Variants in SLC8A1 observed in about 807,000 individuals in gnomAD.
The protein encoded by SLC8A1 is solute carrier family 8 member A1.
In SLC8A1, 18 loss-of-function variants were observed where a neutral mutation model predicts 68.3. The observed-to-expected ratio is 0.26, with a 90% CI of 0.18 to 0.39. SLC8A1 has a LOEUF of 0.39. Ranked by LOEUF, SLC8A1 falls within the 10% of genes least tolerant of loss-of-function variation. SLC8A1 has a pLI of 1.00. For synonymous variants in SLC8A1, 475 were observed against 415.5 expected (o/e 1.14, Z -1.74); for missense variants, 985 against 1,156.7 (o/e 0.85, Z 2.15).
intron 1 of SLC8A1, among the ~76,000 whole-genome samples, chr2:40,504,253 A>G (rs967535702): frequency 3.9e-5 from 6 of 152,052 alleles, no homozygotes; most frequent in Admixed American, 6.6e-5. Context: ...CTGAATATCC[A>G]TATGTAGAAG....
intron 2 of SLC8A1, among the ~76,000 whole-genome samples, chr2:40,305,287 G>A (rs1288979848): frequency 6.6e-6 from 1 of 152,178 alleles, no homozygotes; most frequent in Non-Finnish European, 1.5e-5. Context: ...AGCAGTTTTC[G>A]AGTTCAGCAC....
At position 40,393,582 on chromosome 2, in the gene SLC8A1, A is replaced by G. The variant is rs544765377; in HGVS notation, c.1808+34891T>C. On this transcript the variant is annotated intron_variant, in intron 2 of 7. Coordinates refer to ENST00000406785, the Ensembl canonical transcript of SLC8A1. ...AGTCATAATTTTGAATGTACTCTCTAATTTACCAACATTGTTTCCAATTCC... is the reference window on the plus strand; with the variant it reads ...AGTCATAATTTTGAATGTACTCTCTGATTTACCAACATTGTTTCCAATTCC... Among the ~76,000 whole-genome samples the G allele has an allele frequency of 2.6e-5, 4 of 152,154 alleles. No individual in the cohort carries two copies. The East Asian group carries it at 7.8e-4, about 29-fold the overall frequency.
intron 2 of SLC8A1, among the ~76,000 whole-genome samples, chr2:40,289,405 A>C (rs781660049): frequency 6.6e-6 from 1 of 152,174 alleles, no homozygotes; most frequent in Non-Finnish European, 1.5e-5. Flanking sequence ...GAGAGAAACG[A>C]AAAGAAACCT....
intron 2 of SLC8A1, among the ~76,000 whole-genome samples, chr2:40,405,807 A>C (rs1479351488): frequency 2.0e-5 from 3 of 152,186 alleles, no homozygotes; most frequent in Non-Finnish European, 4.4e-5. Flanking sequence ...AATCCATGCA[A>C]CACTCCAGCT....
intron 2 of SLC8A1, among the ~76,000 whole-genome samples, chr2:40,329,759 G>A (rs746443541): frequency 2.6e-5 from 4 of 152,152 alleles, no homozygotes; most frequent in African/African-American, 7.2e-5. Flanking sequence ...TTTAAGCAGG[G>A]AAGACTCCCA....
chr2:40,343,236 T>C (rs930767255), intron 2 of SLC8A1, among the ~76,000 whole-genome samples: 1 of 152,178 alleles, frequency 6.6e-6, no homozygotes, highest in Non-Finnish European at 1.5e-5. Flanking sequence ...TGTTTAATTA[T>C]GCATTTTCTC....
chr2:40,359,439 T>C (rs1673843402), intron 2 of SLC8A1, among the ~76,000 whole-genome samples: 1 of 152,136 alleles, frequency 6.6e-6, no homozygotes, highest in South Asian at 2.1e-4. Context: ...AAAAGGGTTT[T>C]TGTCCTGAGC....
intron 2 of SLC8A1, among the ~76,000 whole-genome samples, chr2:40,326,139 A>T (rs1440075984): frequency 2.6e-5 from 4 of 152,292 alleles, no homozygotes; most frequent in African/African-American, 9.6e-5. Context: ...CCTAGGTAGC[A>T]AAACTATAGG....
At chr2:40,428,928 T>C in exon 2 of SLC8A1, 1 of 1,613,894 alleles carries the variant, frequency 6.2e-7, no homozygotes, top group African/African-American at 1.3e-5. Context: ...ACCCAGCATT[T>C]GCTGTGCCAT....
At chr2:40,289,790 G>T (rs544424459) in intron 2 of SLC8A1, among the ~76,000 whole-genome samples, 1 of 152,112 alleles carries the variant, frequency 6.6e-6, no homozygotes, top group African/African-American at 2.4e-5. Flanking sequence ...GAACTTAGGA[G>T]GTGGAGGTTG....
At chr2:40,187,949 T>A (rs563610516) in intron 2 of SLC8A1, among the ~76,000 whole-genome samples, 8 of 152,304 alleles carry the variant, frequency 5.3e-5, no homozygotes, top group African/African-American at 1.7e-4. Flanking sequence ...TCTTCTGCAG[T>A]TGATAAACTT....
At chr2:40,503,768 A>T (rs1295431882) in intron 1 of SLC8A1, among the ~76,000 whole-genome samples, 1 of 152,038 alleles carries the variant, frequency 6.6e-6, no homozygotes, top group Non-Finnish European at 1.5e-5. Context: ...AGATTACTAC[A>T]ATGAAAACGA....
chr2:40,411,382 C>A (rs956402754), intron 2 of SLC8A1, among the ~76,000 whole-genome samples: 2 of 151,914 alleles, frequency 1.3e-5, no homozygotes, highest in Admixed American at 1.3e-4. Flanking sequence ...ATTACACATG[C>A]CCATTAGGAA....
At chr2:40,253,211 ATACATATT>A (rs1454738243) in intron 2 of SLC8A1, among the ~76,000 whole-genome samples, 2 of 149,374 alleles carry the variant, frequency 1.3e-5, no homozygotes, top group African/African-American at 2.5e-5. Context: ...ATACACATCT[ATACATATT>A]TACATATACA....
chr2:40,185,143 C>G (rs1288246238), intron 2 of SLC8A1, among the ~76,000 whole-genome samples: 4 of 152,112 alleles, frequency 2.6e-5, no homozygotes, highest in African/African-American at 9.7e-5. Flanking sequence ...AATTGGAACC[C>G]TCATATGCTG....
chr2:40,450,369 T>TGC (rs34306750), intron 1 of SLC8A1, among the ~76,000 whole-genome samples: 3 of 151,358 alleles, frequency 2.0e-5, no homozygotes, highest in African/African-American at 4.9e-5. Context: ...TGTGTGTGTG[T>TGC]GCACGCGCGC....
At chr2:40,460,907 G>C (rs1703303482) in intron 1 of SLC8A1, among the ~76,000 whole-genome samples, 1 of 152,106 alleles carries the variant, frequency 6.6e-6, no homozygotes. Flanking sequence ...GCTATGGCCG[G>C]ATATGTACTT....
chr2:40,153,913 TC>T (rs2043924649), intron 6 of SLC8A1, among the ~76,000 whole-genome samples: 1 of 152,182 alleles, frequency 6.6e-6, no homozygotes, highest in Non-Finnish European at 1.5e-5. Flanking sequence ...ACCCTTACCT[TC>T]CCCATGTGTA....
rs1314690867 is a variant in SLC8A1, at chr2:40,393,845, C to A, written c.1808+34628G>T. ...TCATAACCTAAATCACCCAATCAAC[C>A]AAAATATTATAAAGTTCAGCTTTTA... On this transcript the variant is annotated intron_variant, in intron 2 of 7. Transcript: ENST00000406785. Among the ~76,000 whole-genome samples the A allele has an allele frequency of 2.0e-5, 3 of 152,088 alleles. No individual in the cohort carries two copies. The East Asian group carries it at 5.8e-4, about 29-fold the overall frequency.
Sources: allele counts gnomAD v4.1 joint callset (sites outside exome capture counted in the v4.1 genomes callset), GRCh38; gene constraint gnomAD v4.1.1; transcripts MANE v1.5; gene names NCBI Gene and HGNC (gene_info 2026-07-23, HGNC 2026-07-21).